Variants in SNCAIP observed in about 807,000 individuals in gnomAD.
The protein encoded by SNCAIP is synuclein alpha interacting protein, also known as synphilin-1.
In SNCAIP, 43 loss-of-function variants were observed where a neutral mutation model predicts 86.7. The observed-to-expected ratio is 0.50, with a 90% CI of 0.39 to 0.64. SNCAIP has a LOEUF of 0.64. Ranked by LOEUF, SNCAIP falls within the 30% of genes least tolerant of loss-of-function variation. The pLI, the probability that SNCAIP is intolerant of heterozygous loss-of-function variation, is 0.00. For synonymous variants in SNCAIP, 417 were observed against 427.2 expected, an observed-to-expected ratio of 0.98 and a Z score of 0.29; for missense variants, 981 against 1,103.1, an observed-to-expected ratio of 0.89 and a Z score of 1.57.
intron 1 of SNCAIP, among the ~76,000 whole-genome samples, chr5:122,347,280 T>G (rs752387433): frequency 2.6e-5 from 4 of 152,160 alleles, no homozygotes; most frequent in Non-Finnish European, 4.4e-5. Flanking sequence ...GAAACACTTT[T>G]TAAAGCTTGC....
At chr5:122,451,660 A>G (rs1000380161) in intron 10 of SNCAIP, 59 bp downstream of exon 10, 3 of 1,258,614 alleles carry the variant, frequency 2.4e-6, no homozygotes, top group Non-Finnish European at 3.5e-6. Flanking sequence ...GTTGTTCCTA[A>G]TATCACAGAT....
At chr5:122,339,993 T>A (rs1176818910) in intron 1 of SNCAIP, among the ~76,000 whole-genome samples, 1 of 152,122 alleles carries the variant, frequency 6.6e-6, no homozygotes, top group Non-Finnish European at 1.5e-5. Context: ...ATATAATCTA[T>A]AAAAAAATGG....
chr5:122,326,377 A>G (rs1056842920), intron 1 of SNCAIP, among the ~76,000 whole-genome samples: 3 of 152,312 alleles, frequency 2.0e-5, no homozygotes, highest in East Asian at 3.9e-4. Context: ...TGTAACTTAT[A>G]GTACACTCAT....
rs144949830 is a variant in SNCAIP at position 122,425,497 on chromosome 5, C to A, written c.1148C>A (p.Thr383Asn). Residue 383 changes from threonine to asparagine, a missense_variant, in exon 5 of 11, where the codon ACT becomes AAT. Coordinates refer to ENST00000261368, the MANE Select transcript of SNCAIP (RefSeq NM_005460.4). ...GAAGACTGCCTCAATGAGCGCAACA[C>A]TGAGAAGTTGACTCCAGCAGGCCTG... is the stretch of plus-strand genomic sequence containing the variant. ...MGEDCLNERN[T>N]EKLTPAGLAI... 2.2e-4 allele frequency: 351 copies of A among 1,614,132 alleles called. 1 individual carries two copies. The African/African-American group carries it at 4.1e-3, about 19-fold the overall frequency.
chr5:122,401,265 C>T, intron 2 of SNCAIP: 2 of 854,428 alleles, frequency 2.3e-6, no homozygotes, highest in East Asian at 3.0e-5. Context: ...GGATCATTTG[C>T]TCATTCCCAA....
In SNCAIP at chr5:122,461,679, T is replaced by TTC. The variant is rs535557491; in HGVS notation, c.2755-1811_2755-1810insCT. On this transcript the variant is annotated intron_variant, in intron 10 of 10. Coordinates refer to ENST00000261368, the MANE Select transcript of SNCAIP (RefSeq NM_005460.4). The stretch of plus-strand genomic sequence containing the variant: ...TCCTTTTTTATAGCTGTTTTTTTTT[T>TTC]TTTTTCTTTTTCTTTTTGAGACAGA... Among the ~76,000 whole-genome samples, 779 of 150,878 alleles carry TTC rather than the reference T, an allele frequency of 5.2e-3. 14 individuals carry two copies. The highest frequency in any genetic ancestry group is 0.018 in the African/African-American group (742 of 41,306).
intron 1 of SNCAIP, among the ~76,000 whole-genome samples, chr5:122,316,190 A>G (rs1366240233): frequency 2.0e-5 from 3 of 152,236 alleles, no homozygotes; most frequent in Non-Finnish European, 2.9e-5. Flanking sequence ...TGTGTATATC[A>G]ACAGAAAACA....
intron 1 of SNCAIP, among the ~76,000 whole-genome samples, chr5:122,385,061 C>T (rs1767816177): frequency 6.6e-6 from 1 of 152,218 alleles, no homozygotes; most frequent in Admixed American, 6.5e-5. Context: ...CCATTCACAC[C>T]TCCATCCTTC....
intron 1 of SNCAIP, among the ~76,000 whole-genome samples, chr5:122,344,083 T>G (rs1561546178): frequency 6.6e-6 from 1 of 152,234 alleles, no homozygotes; most frequent in Non-Finnish European, 1.5e-5. Flanking sequence ...TTACTCAATT[T>G]GTCCTCCTAG....
chr5:122,447,435 G>A (rs1433570426), intron 8 of SNCAIP, among the ~76,000 whole-genome samples: 1 of 152,214 alleles, frequency 6.6e-6, no homozygotes, highest in African/African-American at 2.4e-5. Context: ...AATCCAGAGA[G>A]TAGTCTTCCT....
At chr5:122,341,008 G>A (rs758224656) in intron 1 of SNCAIP, among the ~76,000 whole-genome samples, 6 of 152,174 alleles carry the variant, frequency 3.9e-5, no homozygotes, top group Non-Finnish European at 8.8e-5. Context: ...TAAGAGGGAA[G>A]GAAAATGTTT....
chr5:122,431,121 T>C (rs1193452985), intron 5 of SNCAIP, among the ~76,000 whole-genome samples: 1 of 152,134 alleles, frequency 6.6e-6, no homozygotes, highest in African/African-American at 2.4e-5. Flanking sequence ...TGTGTTGGCT[T>C]AGTTTTGGAA....
chr5:122,365,983 T>G (rs552658824), intron 1 of SNCAIP, among the ~76,000 whole-genome samples: 12 of 152,202 alleles, frequency 7.9e-5, no homozygotes, highest in African/African-American at 2.9e-4. Context: ...AGGAGTTACT[T>G]CCTAAGTAAC....
At chr5:122,414,243 T>G (rs1774790372) in intron 3 of SNCAIP, among the ~76,000 whole-genome samples, 2 of 151,850 alleles carry the variant, frequency 1.3e-5, no homozygotes, top group Non-Finnish European at 2.9e-5. Context: ...TTCCTTTTTT[T>G]TTTTTTTGAG....
chr5:122,404,726 A>G (rs1452170906), intron 3 of SNCAIP, among the ~76,000 whole-genome samples: 1 of 152,184 alleles, frequency 6.6e-6, no homozygotes, highest in Non-Finnish European at 1.5e-5. Flanking sequence ...AAATAAATAG[A>G]TGTGCCTTAC....
At chr5:122,312,676 G>A (rs1750850346) in intron 1 of SNCAIP, 1 of 152,322 alleles carries the variant, frequency 6.6e-6, no homozygotes, top group Non-Finnish European at 1.5e-5. Context: ...CTGAGATAAG[G>A]AGGGGCGAAG....
At chr5:122,421,708 C>T (rs2152922864) in intron 3 of SNCAIP, among the ~76,000 whole-genome samples, 1 of 152,240 alleles carries the variant, frequency 6.6e-6, no homozygotes, top group South Asian at 2.1e-4. Context: ...AACTACATGG[C>T]AGGGAACTAG....
chr5:122,442,247 CTG>C (rs1423108701), intron 7 of SNCAIP, among the ~76,000 whole-genome samples: 3 of 147,986 alleles, frequency 2.0e-5, no homozygotes, highest in African/African-American at 7.5e-5. Context: ...AAACAGAAAA[CTG>C]AGAGGTGAGA....
At chr5:122,355,022 A>G (rs776525376) in intron 1 of SNCAIP, among the ~76,000 whole-genome samples, 17 of 152,236 alleles carry the variant, frequency 1.1e-4, no homozygotes, top group Non-Finnish European at 1.8e-4. Context: ...TTTTGAGATC[A>G]TATAATCTTT....
Sources: allele counts gnomAD v4.1 joint callset (sites outside exome capture counted in the v4.1 genomes callset), GRCh38; gene constraint gnomAD v4.1.1; transcripts MANE v1.5; gene names NCBI Gene and HGNC (gene_info 2026-07-23, HGNC 2026-07-21).